The following KDM2A variants were observed in gnomAD, a reference collection of about 807,000 sequenced individuals.
KDM2A encodes lysine-specific demethylase 2A.
A neutral mutation model predicts 137.3 loss-of-function variants in KDM2A; 3 were observed. The ratio of observed to expected loss-of-function variants is 0.02; its 90% confidence interval spans 0.01 to 0.06. The LOEUF is 0.06. Among genes scored for constraint, KDM2A ranks in the 10% least tolerant of loss-of-function variants. The pLI, the probability that KDM2A is intolerant of heterozygous loss-of-function variation, is 1.00. For missense variants in KDM2A, 738 were observed against 1,510.6 expected, an observed-to-expected ratio of 0.49 and a Z score of 8.48; for synonymous variants, 512 against 541.5, an observed-to-expected ratio of 0.95 and a Z score of 0.76.
chr11:67,122,508 G>A (rs1197962180), intron 2 of KDM2A, among the ~76,000 whole-genome samples: 1 of 151,788 alleles, frequency 6.6e-6, no homozygotes, highest in Non-Finnish European at 1.5e-5. Flanking sequence ...TGTATTTTTA[G>A]TAGAGAACAG....
Position 67,217,796 on chromosome 11 carries a change from G to T in KDM2A, c.753G>T (p.Gly251=). 6.2e-7 allele frequency: 1 copy of T among 1,613,616 alleles called. No homozygotes were observed. The highest frequency in any genetic ancestry group is 8.5e-7 in the Non-Finnish European group (1 of 1,179,770). The stretch of plus-strand genomic sequence containing the variant: ...TGTACGAGAATTGGCTGCTGTCAGG[G>T]AAACAGGGAGACATCTTTCTGGGTG... ...LELYENWLLS[G]KQGDIFLGDR... is the part of the protein sequence containing the mutation. The change falls in exon 9 of 21, where the codon GGG becomes GGT. Residue 251 remains glycine, a synonymous_variant. Transcript: ENST00000529006.
rs1859626297 is a variant in KDM2A, at chr11:67,256,655, T to C, written c.*1600T>C. 1 of 152,702 alleles carries C rather than the reference T, an allele frequency of 6.5e-6. No individual in the cohort carries two copies. Among genetic ancestry groups the C allele is most frequent in the African/African-American group, 2.4e-5 (1 of 41,432 alleles). 9.5% of individuals were successfully genotyped at this position (152,702 alleles called of 1,614,324 possible). On this transcript the variant is annotated 3_prime_UTR_variant, in exon 21 of 21. Coordinates refer to ENST00000529006, the MANE Select transcript of KDM2A (RefSeq NM_012308.3). ...GAGCCCAGGCACCAGGGGTCTAAAGTGTGAGCCACTGAGAAGAGAGACGCC... is the reference window on the plus strand; with the variant it reads ...GAGCCCAGGCACCAGGGGTCTAAAGCGTGAGCCACTGAGAAGAGAGACGCC...
At chr11:67,191,741 G>A (rs944023071) in intron 5 of KDM2A, among the ~76,000 whole-genome samples, 3 of 152,140 alleles carry the variant, frequency 2.0e-5, no homozygotes, top group Non-Finnish European at 4.4e-5. Context: ...ATCATACTCA[G>A]TGGTGAAACA....
chr11:67,255,191 C>T lies in KDM2A; in HGVS notation c.*136C>T. On this transcript the variant is annotated 3_prime_UTR_variant, in exon 21 of 21. Coordinates refer to ENST00000529006, the MANE Select transcript of KDM2A (RefSeq NM_012308.3). ...CTGCTCTCCTGTCCCTTGAGCCCTT[C>T]CTCTACAGGTGGGGCAGAGAGGGTG... 1 of 754,926 alleles carries T rather than the reference C, an allele frequency of 1.3e-6. No individual in the cohort carries two copies. The highest frequency in any genetic ancestry group is 1.8e-5 in the South Asian group (1 of 55,104). The allele number at this position is 754,926 out of a possible 1,614,324, so 46.8% of individuals were successfully genotyped here.
chr11:67,204,656 T>C (rs1028170166), intron 5 of KDM2A, among the ~76,000 whole-genome samples: 1 of 152,026 alleles, frequency 6.6e-6, no homozygotes, highest in Non-Finnish European at 1.5e-5. Flanking sequence ...CACACCTGGC[T>C]AATTTTTTGT....
chr11:67,247,071 ATTTTTTTTTTTTTTTTT>A (rs1156333048), intron 15 of KDM2A, among the ~76,000 whole-genome samples: 21 of 16,782 alleles, frequency 1.3e-3, no homozygotes, highest in African/African-American at 3.0e-3. Context: ...ATATATATAT[ATTTTTTTTTTTTTTTTT>A]TTTTTTTTTT....
Position 67,252,875 on chromosome 11 carries a change from C to T in KDM2A, c.2932+18C>T. 6.3e-7 allele frequency: 1 copy of T among 1,590,042 alleles called. No individual in the cohort carries two copies. The highest frequency in any genetic ancestry group is 8.6e-7 in the Non-Finnish European group (1 of 1,165,796). On this transcript the variant is annotated intron_variant, in intron 18 of 20. Transcript: ENST00000529006. The stretch of plus-strand genomic sequence containing the variant: ...GCTGCCAGGTAAGTGAGCAGCCCTG[C>T]CGCTGTCTTTCCAGGGGCCCAGAAG...
At chr11:67,161,633 T>C (rs971859058) in intron 2 of KDM2A, among the ~76,000 whole-genome samples, 6 of 152,208 alleles carry the variant, frequency 3.9e-5, no homozygotes, top group African/African-American at 1.2e-4. Context: ...TGACCTAAAT[T>C]GATTTTTGTG....
chr11:67,197,172 A>T (rs1231180166), intron 5 of KDM2A: 1 of 73,936 alleles, frequency 1.4e-5, no homozygotes, highest in African/African-American at 5.0e-5. Context: ...TATCAGAAAT[A>T]AACTTTTTTT....
chr11:67,121,211 C>T, intron 1 of KDM2A, 23 bp from the exon 2 acceptor site: 2 of 794,636 alleles, frequency 2.5e-6, no homozygotes, highest in East Asian at 2.5e-5. Flanking sequence ...GTTCTCATTT[C>T]TGCTTATATC....
At chr11:67,125,163 G>C (rs1048474372) in intron 2 of KDM2A, among the ~76,000 whole-genome samples, 2 of 151,364 alleles carry the variant, frequency 1.3e-5, no homozygotes, top group African/African-American at 4.8e-5. Context: ...ACCCAGCCTG[G>C]AGGGAACTTT....
At position 67,255,651 on chromosome 11, in the gene KDM2A, C is replaced by T. The variant is rs1234441915; in HGVS notation, c.*596C>T. Reference sequence around the variant, plus strand: ...TCTCCCTCCTTTCCTCTCCCTTGAGCTTGGTTCTGCCCAGCACTCGTGCTT... The same window carrying T: ...TCTCCCTCCTTTCCTCTCCCTTGAGTTTGGTTCTGCCCAGCACTCGTGCTT... On this transcript the variant is annotated 3_prime_UTR_variant, in exon 21 of 21. Transcript: ENST00000529006. The T allele has an allele frequency of 2.2e-6, 1 of 448,092 alleles. No individual in the cohort carries two copies. Among genetic ancestry groups the T allele is most frequent in the Non-Finnish European group, 4.5e-6 (1 of 221,686 alleles). The allele number at this position is 448,092 out of a possible 1,614,324, so 27.8% of individuals were successfully genotyped here.
At chr11:67,139,679 C>CAAA (rs895734174) in intron 2 of KDM2A, among the ~76,000 whole-genome samples, 2 of 151,844 alleles carry the variant, frequency 1.3e-5, no homozygotes, top group Non-Finnish European at 1.5e-5. Flanking sequence ...ACGACTGGCC[C>CAAA]AAAGGTTGCA....
At chr11:67,145,726 A>G (rs1856228039) in intron 2 of KDM2A, among the ~76,000 whole-genome samples, 1 of 151,714 alleles carries the variant, frequency 6.6e-6, no homozygotes, top group African/African-American at 2.4e-5. Context: ...ATGATACCAT[A>G]CTCGGCTACT....
chr11:67,252,946 A>G, intron 18 of KDM2A, 89 bp downstream of exon 18: 1 of 1,385,514 alleles, frequency 7.2e-7, no homozygotes, highest in Non-Finnish European at 9.8e-7. Flanking sequence ...TCTTAGCATC[A>G]CTGGAGGGCA....
intron 12 of KDM2A, among the ~76,000 whole-genome samples, chr11:67,234,299 T>G (rs891975558): frequency 3.9e-5 from 6 of 152,186 alleles, no homozygotes; most frequent in Admixed American, 3.3e-4. Context: ...CTTATAGCAC[T>G]GATGGCTATA....
At chr11:67,227,726 A>ACACCTGGC (rs1221146916) in intron 10 of KDM2A, among the ~76,000 whole-genome samples, 8 of 152,062 alleles carry the variant, frequency 5.3e-5, no homozygotes, top group Admixed American at 1.3e-4. Flanking sequence ...GTGCACCACC[A>ACACCTGGC]CACCTGGCTA....
chr11:67,234,119 T>G (rs1483238635), intron 12 of KDM2A, among the ~76,000 whole-genome samples: 1 of 152,264 alleles, frequency 6.6e-6, no homozygotes, highest in Non-Finnish European at 1.5e-5. Context: ...TCAAATAGAT[T>G]AATTATTCCT....
At chr11:67,198,031 A>G (rs899656522) in intron 5 of KDM2A, among the ~76,000 whole-genome samples, 4 of 152,222 alleles carry the variant, frequency 2.6e-5, no homozygotes, top group African/African-American at 9.6e-5. Flanking sequence ...ACATTTGTTT[A>G]CTATTAAGAT....
Sources: gnomAD v4.1 joint callset for allele counts (sites outside exome capture counted in the v4.1 genomes callset) on GRCh38, gnomAD v4.1.1 for gene constraint, MANE v1.5 for transcripts, NCBI Gene and HGNC (gene_info 2026-07-23, HGNC 2026-07-21) for gene names.